Variants in SLC26A11 observed in about 807,000 individuals in gnomAD.
The protein encoded by SLC26A11 is sodium-independent sulfate anion transporter.
Under a neutral mutation model 62.2 loss-of-function variants are expected in SLC26A11, and 58 were observed. That is an observed-to-expected ratio of 0.93 (90% CI 0.76 to 1.16). The LOEUF is 1.16. Among genes scored for constraint, SLC26A11 ranks in the 50% most tolerant of loss-of-function variants. The pLI, the probability that SLC26A11 is intolerant of heterozygous loss-of-function variation, is 0.00. For synonymous variants in SLC26A11, 411 were observed against 368.9 expected (o/e 1.11, Z -1.31); for missense variants, 790 against 794.3 (o/e 0.99, Z 0.06).
chr17:80,224,310 AGAGAGTGTGAGTGTGTATGAGT>A (rs1394679024), intron 5 of SLC26A11, among the ~76,000 whole-genome samples: 2 of 128,052 alleles, frequency 1.6e-5, no homozygotes, highest in East Asian at 4.5e-4. Flanking sequence ...TGTGTGTGTG[AGAGAGTGTGAGTGTGTATGAGT>A]GAGAGTGTGA....
intron 7 of SLC26A11, among the ~76,000 whole-genome samples, chr17:80,235,990 G>A (rs1005941952): frequency 2.6e-5 from 4 of 152,128 alleles, no homozygotes; most frequent in Admixed American, 6.5e-5. Context: ...GAGTAGTTGC[G>A]CCAGAGACTT....
intron 7 of SLC26A11, among the ~76,000 whole-genome samples, chr17:80,233,996 A>G (rs962853735): frequency 2.6e-5 from 4 of 152,040 alleles, no homozygotes; most frequent in Non-Finnish European, 4.4e-5. Flanking sequence ...TTTTTAAAAA[A>G]AAGTTATTTA....
chr17:80,247,290 C>T (rs537330139), intron 13 of SLC26A11, among the ~76,000 whole-genome samples: 2 of 152,196 alleles, frequency 1.3e-5, no homozygotes, highest in East Asian at 1.9e-4. Context: ...CTTTTCCCCA[C>T]CTTTCCCCCC....
Position 80,222,679 on chromosome 17 carries a change from G to T in SLC26A11, c.259G>T (p.Gly87Cys). 1.2e-6 allele frequency: 2 copies of T among 1,614,100 alleles called. No individual in the cohort carries two copies. The highest frequency in any genetic ancestry group is 8.5e-7 in the Non-Finnish European group (1 of 1,180,004). ...GTATGGCCTCTACTCTGCCTTCATGGGCTGCTTCGTGTATTTCTTCCTGGG... is the reference window on the plus strand; with the variant it reads ...GTATGGCCTCTACTCTGCCTTCATGTGCTGCTTCGTGTATTTCTTCCTGGG... ...PQYGLYSAFM[G>C]CFVYFFLGTS... Residue 87 changes from glycine (G) to cysteine (C), a missense_variant, in exon 4 of 18, where the codon GGC (glycine) becomes TGC (cysteine). Physicochemically the swap from Gly to Cys is radical, Grantham distance 159. Transcript: ENST00000361193. The surrounding 1 kb of genome is among the most constrained non-coding windows in gnomAD (Gnocchi z 4.7).
rs1255282560 is a variant in SLC26A11, at chr17:80,225,888, C to CAG, written c.566_567insGA (p.His189GlnfsTer12). 6.2e-7 allele frequency: 1 copy of CAG among 1,613,956 alleles called. No individual in the cohort carries two copies. Among genetic ancestry groups the CAG allele is most frequent in the Admixed American group, 1.7e-5 (1 of 60,010 alleles). On this transcript the variant is annotated frameshift_variant, in exon 6 of 18. Coordinates refer to ENST00000361193, the MANE Select transcript of SLC26A11 (RefSeq NM_001166347.2). LOFTEE classifies it high-confidence loss of function. ...CAGGCCGTTCTTCCTGCAGGTGTAC[C>CAG]ACACCTTCCTCAGGATTGCAGAGAC...
In SLC26A11 at chr17:80,240,744, G is replaced by A. The variant is rs148893097; in HGVS notation, c.986-1027G>A. Among the ~76,000 whole-genome samples, 451 of 149,616 alleles carry A rather than the reference G, an allele frequency of 3.0e-3. 4 individuals are homozygous for A. The highest frequency in any genetic ancestry group is 0.011 in the African/African-American group (431 of 40,738). On this transcript the variant is annotated intron_variant, in intron 9 of 17. Coordinates refer to ENST00000361193, the MANE Select transcript of SLC26A11 (RefSeq NM_001166347.2). ...CTTGAACCCGGGAGGCAGAGGTTGC[G>A]GTGAGCCAAGATCACTCCACTGCAC... is the stretch of plus-strand genomic sequence containing the variant.
rs1005869691 is a variant in SLC26A11, at chr17:80,237,019, A to G, written c.828A>G (p.Thr276=). 2 of 1,613,986 alleles carry G rather than the reference A, an allele frequency of 1.2e-6. No homozygotes were observed. The highest frequency in any genetic ancestry group is 1.6e-4 in the Middle Eastern group (1 of 6,082). Residue 276 remains threonine (T), a synonymous_variant, in exon 8 of 18, where the codon ACA becomes ACG. Transcript: ENST00000361193. Reference sequence around the variant, plus strand: ...AGCCTTTCATCCTAACAGGGGAGACAGCTGAGGGGCTCCCTCCAGTCCGGA... The same window carrying G: ...AGCCTTTCATCCTAACAGGGGAGACGGCTGAGGGGCTCCCTCCAGTCCGGA... ...GYQPFILTGE[T]AEGLPPVRIP...
Position 80,252,038 on chromosome 17 carries a change from G to A in SLC26A11, c.1730-587G>A, listed in dbSNP as rs189546315. On this transcript the variant is annotated intron_variant, in intron 17 of 17. Transcript: ENST00000361193. The surrounding 1 kb of genome is among the most constrained non-coding windows in gnomAD (Gnocchi z 5.2). Reference sequence around the variant, plus strand: ...GGGTCAGGAGATCCAGAAGCCCCGGGACAGAAGGTACGGGAGGGACAGGAG... The same window carrying A: ...GGGTCAGGAGATCCAGAAGCCCCGGAACAGAAGGTACGGGAGGGACAGGAG... 1.6e-4 allele frequency among the ~76,000 whole-genome samples: 25 copies of A among 152,272 alleles called. No individual in the cohort carries two copies. The highest frequency in any genetic ancestry group is 4.6e-4 in the Admixed American group (7 of 15,282).
chr17:80,251,987 C>T (rs1403825437), intron 17 of SLC26A11, among the ~76,000 whole-genome samples: 1 of 152,122 alleles, frequency 6.6e-6, no homozygotes, highest in African/African-American at 2.4e-5. Flanking sequence ...AGTCCACATC[C>T]CGGGGGATCA....
intron 6 of SLC26A11, among the ~76,000 whole-genome samples, chr17:80,226,461 G>A (rs2042414126): frequency 6.6e-6 from 1 of 152,160 alleles, no homozygotes; most frequent in Non-Finnish European, 1.5e-5. Flanking sequence ...AGCACTTTGG[G>A]AAGCCCAGGT....
At position 80,228,732 on chromosome 17, in the gene SLC26A11, C is replaced by A. The variant is rs898263624; in HGVS notation, c.736+772C>A. On this transcript the variant is annotated intron_variant, in intron 7 of 17. Transcript: ENST00000361193. The surrounding 1 kb of genome is among the most constrained non-coding windows in gnomAD (Gnocchi z 4.1). ...TGCCGAGGTGGAGAAACACAGTCTA[C>A]TGGCAGGTCCTGGGGAGACAGAACA... Among the ~76,000 whole-genome samples the A allele has an allele frequency of 3.9e-5, 6 of 152,240 alleles. No homozygotes were observed. The highest frequency in any genetic ancestry group is 1.4e-4 in the African/African-American group (6 of 41,464).
intron 15 of SLC26A11, 54 bp from the exon 16 acceptor site, chr17:80,249,100 A>G: frequency 6.3e-7 from 1 of 1,577,238 alleles, no homozygotes; most frequent in Non-Finnish European, 8.6e-7. Flanking sequence ...GCCTCTGCAG[A>G]GCAGCTTTGG....
At chr17:80,244,931 C>T (rs146048949) in intron 10 of SLC26A11, among the ~76,000 whole-genome samples, 41 of 145,696 alleles carry the variant, frequency 2.8e-4, no homozygotes, top group African/African-American at 8.1e-4. Context: ...GCTGAGATCG[C>T]GCCACTGCAT....
rs1276063968 is a variant in SLC26A11 at position 80,238,811 on chromosome 17, G to GTTTTTT, written c.985+1220_985+1225dup. 3.0e-3 allele frequency among the ~76,000 whole-genome samples: 369 copies of GTTTTTT among 123,224 alleles called. 48 individuals are homozygous for GTTTTTT. Among genetic ancestry groups the GTTTTTT allele is most frequent in the African/African-American group, 0.012 (340 of 29,198 alleles). 80.8% of individuals were successfully genotyped at this position (123,224 alleles called of 152,430 possible). On this transcript the variant is annotated intron_variant, in intron 9 of 17. Coordinates refer to ENST00000361193, the MANE Select transcript of SLC26A11 (RefSeq NM_001166347.2). ...TCTAACCCTTACCCCCTTCAAAGGA[G>GTTTTTT]TTTTTTTTGTTTTTTGTTTTTTTTT...
At chr17:80,236,544 C>G (rs1010910291) in intron 7 of SLC26A11, among the ~76,000 whole-genome samples, 1 of 152,224 alleles carries the variant, frequency 6.6e-6, no homozygotes, top group African/African-American at 2.4e-5. Flanking sequence ...GTCCACTGTC[C>G]CGCATCTTGG....
At chr17:80,221,896 G>C in intron 3 of SLC26A11, 102 bp downstream of exon 3, 1 of 1,244,012 alleles carries the variant, frequency 8.0e-7, no homozygotes. Flanking sequence ...CCAGCCCCTG[G>C]GCCCCAAGGA....
Position 80,228,006 on chromosome 17 carries a change from TG to T in SLC26A11, c.736+50del, listed in dbSNP as rs1251898074. 1.9e-6 allele frequency: 3 copies of T among 1,553,450 alleles called. No individual in the cohort carries two copies. Among genetic ancestry groups the T allele is most frequent in the Non-Finnish European group, 2.6e-6 (3 of 1,148,422 alleles). Reference sequence around the variant, plus strand: ...ATCTTATGCAACCTTGGCTGCAGGTTGGGGTCACTTGGGGAGTCCTAGTCCC... The same window carrying T: ...ATCTTATGCAACCTTGGCTGCAGGTTGGGTCACTTGGGGAGTCCTAGTCCC... On this transcript the variant is annotated intron_variant, in intron 7 of 17. Transcript: ENST00000361193. The surrounding 1 kb of genome is among the most constrained non-coding windows in gnomAD (Gnocchi z 4.1).
intron 9 of SLC26A11, 125 bp downstream of exon 9, chr17:80,237,719 A>G: frequency 1.2e-6 from 1 of 840,244 alleles, no homozygotes; most frequent in African/African-American, 1.7e-5. Context: ...CAAGTAATAC[A>G]TGCTCATGAT....
chr17:80,247,246 C>A (rs1379258805), intron 13 of SLC26A11, among the ~76,000 whole-genome samples: 1 of 152,006 alleles, frequency 6.6e-6, no homozygotes, highest in East Asian at 1.9e-4. Context: ...CTACTTCTTT[C>A]TACACAGACA....
Sources: gnomAD v4.1 joint callset for allele counts (sites outside exome capture counted in the v4.1 genomes callset) on GRCh38, gnomAD v4.1.1 for gene constraint, Gnocchi (gnomAD v3.1) non-coding constraint, MANE v1.5 for transcripts, NCBI Gene and HGNC (gene_info 2026-07-23, HGNC 2026-07-21) for gene names.